CRPPA: variants seen among roughly 807,000 people sequenced by gnomAD.
CRPPA encodes the protein D-ribitol-5-phosphate cytidylyltransferase.
Under a neutral mutation model 52.0 loss-of-function variants are expected in CRPPA, and 43 were observed. That is an observed-to-expected ratio of 0.83 (90% CI 0.65 to 1.07). The LOEUF (loss-of-function observed/expected upper bound fraction) is 1.07. Ranked by LOEUF, CRPPA falls within the 50% of genes least tolerant of loss-of-function variation. The pLI is 0.00. For missense variants in CRPPA, 629 were observed against 551.7 expected (o/e 1.14, Z -1.40); for synonymous variants, 250 against 203.5 (o/e 1.23, Z -1.94).
In CRPPA at chr7:16,356,177, T is replaced by C. The variant is rs116936420; in HGVS notation, c.684+19915A>G. Among the ~76,000 whole-genome samples, 10 of 152,324 alleles carry C rather than the reference T, an allele frequency of 6.6e-5. No homozygotes were observed. The East Asian group carries it at 1.5e-3, about 24-fold the overall frequency. ...TACATAGAAATACTTTACTAGGCAC[T>C]GAACAAGTTAAGCCAAACAATAAAA... On this transcript the variant is annotated intron_variant, in intron 3 of 9. Coordinates refer to ENST00000407010, the MANE Select transcript of CRPPA (RefSeq NM_001101426.4).
chr7:16,377,117 C>T (rs1786912471), intron 2 of CRPPA, among the ~76,000 whole-genome samples: 1 of 152,100 alleles, frequency 6.6e-6, no homozygotes, highest in Non-Finnish European at 1.5e-5. Context: ...AACATCTGAA[C>T]AAGATAGATA....
chr7:16,160,183 T>G (rs1783273330), intron 9 of CRPPA, among the ~76,000 whole-genome samples: 1 of 152,250 alleles, frequency 6.6e-6, no homozygotes, highest in Non-Finnish European at 1.5e-5. Flanking sequence ...AGATCCCATT[T>G]GTCAATATTG....
chr7:16,174,405 C>T (rs1435776193), intron 9 of CRPPA, among the ~76,000 whole-genome samples: 1 of 151,864 alleles, frequency 6.6e-6, no homozygotes, highest in African/African-American at 2.4e-5. Flanking sequence ...TAAAAGCAGC[C>T]CCATAGACAA....
chr7:16,314,094 G>A (rs1275613798), intron 3 of CRPPA, among the ~76,000 whole-genome samples: 1 of 151,594 alleles, frequency 6.6e-6, no homozygotes, highest in Non-Finnish European at 1.5e-5. Flanking sequence ...TCTGACAGAG[G>A]GGTGTTGAAG....
At chr7:16,279,786 T>G (rs1475125557) in intron 5 of CRPPA, among the ~76,000 whole-genome samples, 4 of 152,206 alleles carry the variant, frequency 2.6e-5, no homozygotes, top group African/African-American at 9.7e-5. Flanking sequence ...GGTAGTCACA[T>G]AAACGTAGTG....
intron 9 of CRPPA, among the ~76,000 whole-genome samples, chr7:16,117,086 C>T (rs1782390775): frequency 6.6e-6 from 1 of 152,096 alleles, no homozygotes; most frequent in African/African-American, 2.4e-5. Flanking sequence ...TGATATAGAC[C>T]TTATATACAG....
intron 9 of CRPPA, among the ~76,000 whole-genome samples, chr7:16,152,764 C>T (rs1003911900): frequency 2.6e-5 from 4 of 151,844 alleles, no homozygotes; most frequent in Non-Finnish European, 4.4e-5. Flanking sequence ...TTAGGCGGTT[C>T]GCAATGTAAA....
In CRPPA at chr7:16,258,905, T is replaced by C. The variant is rs769331832; in HGVS notation, c.1026+15A>G. Reference sequence around the variant, plus strand: ...TCATATCCTTAAGTGCCTTCAATCATTTGAATTGACTTACATTCACACAAA... The same window carrying C: ...TCATATCCTTAAGTGCCTTCAATCACTTGAATTGACTTACATTCACACAAA... On this transcript the variant is annotated intron_variant, in intron 7 of 9. Transcript: ENST00000407010. 1.3e-6 allele frequency: 2 copies of C among 1,566,662 alleles called. No homozygotes were observed. The highest frequency in any genetic ancestry group is 1.7e-5 in the Admixed American group (1 of 57,754).
intron 7 of CRPPA, 110 bp from the exon 8 acceptor site, chr7:16,258,592 A>C: frequency 1.5e-6 from 1 of 650,408 alleles, no homozygotes; most frequent in Non-Finnish European, 2.5e-6. Context: ...ATATTTATCA[A>C]ACTTAGTTTT....
chr7:16,375,996 C>A (rs1786870383), intron 3 of CRPPA, 96 bp downstream of exon 3: 1 of 1,181,132 alleles, frequency 8.5e-7, no homozygotes, highest in Non-Finnish European at 1.2e-6. Context: ...TATAACTATA[C>A]GCTCAGTCCC....
intron 9 of CRPPA, among the ~76,000 whole-genome samples, chr7:16,160,038 T>G (rs1783269859): frequency 6.6e-6 from 1 of 152,322 alleles, no homozygotes; most frequent in South Asian, 2.1e-4. Context: ...TCTTGTAAAT[T>G]TAAGTTCTTT....
chr7:16,384,317 G>A (rs146326154), intron 2 of CRPPA, among the ~76,000 whole-genome samples: 129 of 152,320 alleles, frequency 8.5e-4, no homozygotes, highest in African/African-American at 3.0e-3. Flanking sequence ...ATCATGGTAA[G>A]CAATTAAAAG....
intron 3 of CRPPA, among the ~76,000 whole-genome samples, chr7:16,359,786 A>G (rs1786394284): frequency 6.6e-6 from 1 of 152,156 alleles, no homozygotes. Flanking sequence ...CCTCTTCTCT[A>G]GTATTTTATT....
chr7:16,406,450 C>A (rs1232620650), intron 1 of CRPPA, 113 bp from the exon 2 acceptor site: 49 of 904,674 alleles, frequency 5.4e-5, no homozygotes, highest in Non-Finnish European at 7.3e-5. Flanking sequence ...TTAAAAACTG[C>A]AAGTTAATAA....
At chr7:16,127,324 C>A (rs979382619) in intron 9 of CRPPA, among the ~76,000 whole-genome samples, 2 of 151,686 alleles carry the variant, frequency 1.3e-5, no homozygotes, top group Non-Finnish European at 1.5e-5. Context: ...TTGAATGTAT[C>A]CTTGTACTTG....
At chr7:16,254,725 C>T in intron 8 of CRPPA, among the ~76,000 whole-genome samples, 1 of 144,806 alleles carries the variant, frequency 6.9e-6, no homozygotes, top group East Asian at 2.1e-4. Context: ...TACCCTAGAT[C>T]TTAAAGTATA....
intron 8 of CRPPA, among the ~76,000 whole-genome samples, chr7:16,244,366 C>A (rs977189878): frequency 2.6e-5 from 4 of 152,196 alleles, no homozygotes; most frequent in Non-Finnish European, 4.4e-5. Context: ...AATGTACCAA[C>A]AACCAAGCAC....
chr7:16,208,072 C>T (rs562183604), intron 9 of CRPPA, among the ~76,000 whole-genome samples: 3 of 152,252 alleles, frequency 2.0e-5, no homozygotes, highest in African/African-American at 7.2e-5. Flanking sequence ...TCAATTGCAA[C>T]AACACTATTT....
intron 9 of CRPPA, among the ~76,000 whole-genome samples, chr7:16,117,722 C>G (rs1043595095): frequency 1.3e-5 from 2 of 152,218 alleles, no homozygotes; most frequent in Admixed American, 6.5e-5. Context: ...TTCCTACCAA[C>G]CTCATCTGCA....
Sources: gnomAD v4.1 joint callset for allele counts (sites outside exome capture counted in the v4.1 genomes callset) on GRCh38, gnomAD v4.1.1 for gene constraint, MANE v1.5 for transcripts, NCBI Gene and HGNC (gene_info 2026-07-23, HGNC 2026-07-21) for gene names.